GLIS3: variants seen among roughly 807,000 people sequenced by gnomAD.
The protein encoded by GLIS3 is zinc finger protein GLIS3.
GLIS3 carries 53 observed loss-of-function variants against 78.6 expected under a neutral mutation model. The ratio of observed to expected loss-of-function variants is 0.67; its 90% confidence interval spans 0.54 to 0.85. The LOEUF (loss-of-function observed/expected upper bound fraction) is 0.85, where lower values mean the gene tolerates loss of function less well. GLIS3 is among the 40% of genes least tolerant of loss of function. The probability of loss-of-function intolerance (pLI) is 0.00; values close to 1 mark genes in which losing one functional copy is unlikely to be tolerated. For missense variants in GLIS3, 1,703 were observed against 1,231.1 expected (o/e 1.38, Z -5.74); for synonymous variants, 684 against 509.9 (o/e 1.34, Z -4.60).
the GLIS3 span, among the ~76,000 whole-genome samples, chr9:4,433,415 G>C: frequency 2.6e-5 from 4 of 152,278 alleles, no homozygotes; most frequent in African/African-American, 9.6e-5. Flanking sequence ...CTAGGTGACA[G>C]AGCGAGACTC....
chr9:4,106,688 T>C (rs560202202), intron 4 of GLIS3, among the ~76,000 whole-genome samples: 2 of 152,218 alleles, frequency 1.3e-5, no homozygotes, highest in Non-Finnish European at 2.9e-5. Context: ...AATAAGCTAC[T>C]TTATGAACAG....
chr9:4,186,938 T>C (rs1817855081), intron 2 of GLIS3, among the ~76,000 whole-genome samples: 1 of 152,244 alleles, frequency 6.6e-6, no homozygotes, highest in South Asian at 2.1e-4. Flanking sequence ...TCTCCCATTC[T>C]GTAGGTTGCC....
At chr9:4,350,294 G>C (rs1192938976), upstream of GLIS3, among the ~76,000 whole-genome samples, 2 of 152,172 alleles carry the variant, frequency 1.3e-5, no homozygotes, top group Non-Finnish European at 2.9e-5. Flanking sequence ...GTGAGGAACT[G>C]GGCACGTTTA....
rs79607605 is a variant in GLIS3 at position 3,852,906 on chromosome 9, A to C, written c.2473+3103T>G. The stretch of plus-strand genomic sequence containing the variant: ...CATTGGCCATGGGGAATTTTTTAAC[A>C]ATTAGAATGTGAAAGTTAGGGCCCA... On this transcript the variant is annotated intron_variant, in intron 9 of 10. Transcript: ENST00000381971. Among the ~76,000 whole-genome samples, 589 of 152,268 alleles carry C rather than the reference A, an allele frequency of 3.9e-3. 5 individuals are homozygous for C. Among genetic ancestry groups the C allele is most frequent in the African/African-American group, 0.014 (574 of 41,548 alleles).
chr9:4,028,685 T>C (rs922679262), intron 4 of GLIS3, among the ~76,000 whole-genome samples: 10 of 151,798 alleles, frequency 6.6e-5, no homozygotes, highest in Admixed American at 5.2e-4. Flanking sequence ...CCCAACACTA[T>C]AGATCACTTT....
At chr9:3,970,585 G>C (rs580899) in intron 4 of GLIS3, among the ~76,000 whole-genome samples, 33,924 of 152,044 alleles carry the variant, frequency 0.22, 3,998 homozygotes, top group African/African-American at 0.27. Flanking sequence ...CTAATGCACA[G>C]GACAGCCCTC....
intron 2 of GLIS3, among the ~76,000 whole-genome samples, chr9:4,198,770 C>G (rs1347991141): frequency 4.6e-5 from 7 of 152,058 alleles, no homozygotes; most frequent in Non-Finnish European, 5.9e-5. Context: ...ACCAGACTGT[C>G]CAAGGTCAAT....
chr9:4,357,255 T>C, the GLIS3 span, among the ~76,000 whole-genome samples: 1 of 152,166 alleles, frequency 6.6e-6, no homozygotes, highest in Non-Finnish European at 1.5e-5. Context: ...CTGGATGAAA[T>C]TAACATTTGA....
chr9:3,947,016 G>A (rs115398796), intron 4 of GLIS3, among the ~76,000 whole-genome samples: 2,631 of 144,232 alleles, frequency 0.018, 71 homozygotes, highest in African/African-American at 0.055. Context: ...AACCCCTCAC[G>A]ACGCCACGCC....
chr9:4,070,488 G>A (rs1215339912), intron 4 of GLIS3, among the ~76,000 whole-genome samples: 1 of 152,086 alleles, frequency 6.6e-6, no homozygotes, highest in Non-Finnish European at 1.5e-5. Context: ...CTCTGTGTGT[G>A]TGCATGTGCG....
At chr9:3,953,076 T>C (rs1816809935) in intron 4 of GLIS3, among the ~76,000 whole-genome samples, 1 of 152,202 alleles carries the variant, frequency 6.6e-6, no homozygotes, top group African/African-American at 2.4e-5. Flanking sequence ...TTCTTGTTTT[T>C]TTCTGGGATT....
intron 2 of GLIS3, among the ~76,000 whole-genome samples, chr9:4,151,487 G>T (rs925133923): frequency 1.3e-5 from 2 of 152,188 alleles, no homozygotes; most frequent in African/African-American, 4.8e-5. Flanking sequence ...TAGAAAGGGG[G>T]AAAGTCTAAT....
chr9:4,195,829 T>A (rs908949510), intron 2 of GLIS3, among the ~76,000 whole-genome samples: 1 of 152,222 alleles, frequency 6.6e-6, no homozygotes, highest in Admixed American at 6.5e-5. Context: ...TCAAGGTCTG[T>A]AAACACACCA....
intron 6 of GLIS3, among the ~76,000 whole-genome samples, chr9:3,899,778 C>G (rs1471863139): frequency 6.6e-6 from 1 of 152,050 alleles, no homozygotes; most frequent in Non-Finnish European, 1.5e-5. Context: ...TTCTCTAGAC[C>G]CTAGGAATAC....
the GLIS3 span, among the ~76,000 whole-genome samples, chr9:4,406,117 A>G: frequency 5.9e-5 from 9 of 152,212 alleles, no homozygotes; most frequent in African/African-American, 2.2e-4. Flanking sequence ...AGCCAGTATC[A>G]TACCAAATGG....
chr9:3,914,730 C>T (rs1052063573), intron 6 of GLIS3, among the ~76,000 whole-genome samples: 3 of 152,162 alleles, frequency 2.0e-5, no homozygotes, highest in South Asian at 2.1e-4. Flanking sequence ...TGATTAGGTC[C>T]CAAATTATAC....
chr9:4,247,088 C>T (rs949852586), intron 2 of GLIS3, among the ~76,000 whole-genome samples: 1 of 152,182 alleles, frequency 6.6e-6, no homozygotes, highest in Non-Finnish European at 1.5e-5. Flanking sequence ...TGTCAGCCCT[C>T]CTTGCCTTGG....
At chr9:4,280,586 C>A (rs1268108333) in intron 2 of GLIS3, among the ~76,000 whole-genome samples, 1 of 152,040 alleles carries the variant, frequency 6.6e-6, no homozygotes, top group Non-Finnish European at 1.5e-5. Context: ...ATGATAAATT[C>A]AGCGTCAAAG....
intron 2 of GLIS3, among the ~76,000 whole-genome samples, chr9:4,341,574 TTCCTCACC>T (rs1313178166): frequency 6.6e-6 from 1 of 152,184 alleles, no homozygotes; most frequent in African/African-American, 2.4e-5. Flanking sequence ...CCCCTAGCAC[TTCCTCACC>T]TATACTCACT....
Sources: gnomAD v4.1 joint callset for allele counts (sites outside exome capture counted in the v4.1 genomes callset) on GRCh38, gnomAD v4.1.1 for gene constraint, MANE v1.5 for transcripts, NCBI Gene and HGNC (gene_info 2026-07-23, HGNC 2026-07-21) for gene names.